The following ZNF44 variants were observed in gnomAD, a reference collection of about 807,000 sequenced individuals.
ZNF44 encodes the protein gonadotropin inducible transcription repressor-2.
ZNF44 carries 9 observed loss-of-function variants against 11.7 expected under a neutral mutation model. The observed-to-expected ratio is 0.77, with a 90% confidence interval of 0.46 to 1.35. The LOEUF is 1.35. Among genes scored for constraint, ZNF44 ranks in the 40% most tolerant of loss-of-function variants. The pLI, the probability that ZNF44 is intolerant of heterozygous loss-of-function variation, is 0.00. For synonymous variants in ZNF44, 224 were observed against 242.7 expected, an observed-to-expected ratio of 0.92 and a Z score of 0.72; for missense variants, 696 against 743.1, an observed-to-expected ratio of 0.94 and a Z score of 0.74.
intron 5 of ZNF44, among the ~76,000 whole-genome samples, chr19:12,253,152 G>T (rs775272828): frequency 2.2e-4 from 33 of 149,218 alleles, no homozygotes; most frequent in Non-Finnish European, 4.0e-4. Flanking sequence ...GCCGCCCGAA[G>T]TGCTGGGATT....
downstream of ZNF44, among the ~76,000 whole-genome samples, chr19:12,243,015 A>G (rs2438558): frequency 0.37 from 55,928 of 152,082 alleles, 12,783 homozygotes; most frequent in African/African-American, 0.66. Context: ...GCACTTAACA[A>G]ATTGCCAAAA....
chr19:12,241,719 G>A (rs191914702), upstream of ZNF44, among the ~76,000 whole-genome samples: 13 of 152,202 alleles, frequency 8.5e-5, no homozygotes, highest in East Asian at 2.3e-3. Flanking sequence ...GGAAAGCAGG[G>A]ACTCAGACAC....
chr19:12,257,889 T>G (rs1328199591), intron 5 of ZNF44, among the ~76,000 whole-genome samples: 1 of 151,598 alleles, frequency 6.6e-6, no homozygotes, highest in Non-Finnish European at 1.5e-5. Flanking sequence ...AAGAATCACT[T>G]GAACCCGGCT....
intron 2 of ZNF44, among the ~76,000 whole-genome samples, chr19:12,231,579 TGGAAATGG>T (rs1228072521): frequency 2.0e-5 from 3 of 151,998 alleles, no homozygotes; most frequent in African/African-American, 7.2e-5. Flanking sequence ...CTTGATGCAG[TGGAAATGG>T]GGAAATGGAG....
intron 3 of ZNF44, among the ~76,000 whole-genome samples, chr19:12,274,341 C>T (rs1343507315): frequency 7.1e-6 from 1 of 140,496 alleles, no homozygotes; most frequent in Admixed American, 7.8e-5. Context: ...GGTGCTGTCT[C>T]GGCTTGCTGC....
chr19:12,291,308 C>G, intron 1 of ZNF44: 1 of 429,218 alleles, frequency 2.3e-6, no homozygotes, highest in South Asian at 1.7e-5. Flanking sequence ...CAAATACCTA[C>G]CACACATTCT....
At chr19:12,260,954 C>A (rs946938769) in intron 5 of ZNF44, among the ~76,000 whole-genome samples, 2 of 152,192 alleles carry the variant, frequency 1.3e-5, no homozygotes, top group Non-Finnish European at 2.9e-5. Context: ...AACTGCTAGT[C>A]ACCTAGAAGG....
intron 5 of ZNF44, among the ~76,000 whole-genome samples, chr19:12,254,223 T>C (rs1199172430): frequency 6.7e-6 from 1 of 148,740 alleles, no homozygotes; most frequent in East Asian, 2.0e-4. Flanking sequence ...TTATATAAAA[T>C]ATGCTTGCAG....
intron 1 of ZNF44, among the ~76,000 whole-genome samples, chr19:12,283,956 C>G (rs1343915578): frequency 6.6e-6 from 1 of 152,148 alleles, no homozygotes; most frequent in African/African-American, 2.4e-5. Flanking sequence ...CACTGCAGTC[C>G]AGCCTGGGTG....
At chr19:12,260,348 C>A in intron 5 of ZNF44, 1 of 1,041,266 alleles carries the variant, frequency 9.6e-7, no homozygotes, top group Non-Finnish European at 1.5e-6. Flanking sequence ...AGCCTGCCAC[C>A]TCCTACGCGC....
intron 1 of ZNF44, among the ~76,000 whole-genome samples, chr19:12,282,508 GC>G (rs1305669270): frequency 7.1e-6 from 1 of 141,468 alleles, no homozygotes; most frequent in Non-Finnish European, 1.5e-5. Context: ...TGCAACCTCC[GC>G]CTCCCAGGTT....
At chr19:12,231,661 C>CT (rs1308642481) in intron 2 of ZNF44, among the ~76,000 whole-genome samples, 1 of 152,142 alleles carries the variant, frequency 6.6e-6, no homozygotes, top group African/African-American at 2.4e-5. Context: ...TGTAGGCCAG[C>CT]TAATTTGTGG....
chr19:12,284,903 G>A, intron 1 of ZNF44: 1 of 722,542 alleles, frequency 1.4e-6, no homozygotes, highest in South Asian at 1.5e-5. Flanking sequence ...CCGCACCCAG[G>A]GACACTGGCA....
chr19:12,260,477 G>T, intron 5 of ZNF44: 4 of 1,330,452 alleles, frequency 3.0e-6, no homozygotes. Context: ...GCGCCATCCT[G>T]TGCAGCCAGA....
chr19:12,241,690 G>A (rs768810703), upstream of ZNF44, among the ~76,000 whole-genome samples: 3 of 152,058 alleles, frequency 2.0e-5, no homozygotes, highest in East Asian at 1.9e-4. Flanking sequence ...GCGAGACTCC[G>A]TTGCAATCAA....
rs202161143 is a variant in ZNF44 at position 12,283,131 on chromosome 19, C to T, written c.4-7049G>A. On this transcript the variant is annotated intron_variant, in intron 1 of 3. Coordinates refer to ENST00000355684, the MANE Select transcript of ZNF44 (RefSeq NM_016264.4). Reference sequence around the variant, plus strand: ...ATAAAACTTTATCAAATTGTATCTGCCTCAATGGCCTTATTTTTGGTAAAC... The same window carrying T: ...ATAAAACTTTATCAAATTGTATCTGTCTCAATGGCCTTATTTTTGGTAAAC... 2.0e-5 allele frequency among the ~76,000 whole-genome samples: 3 copies of T among 152,120 alleles called. No individual in the cohort carries two copies. In the East Asian group the frequency reaches 5.8e-4, roughly 29 times the overall value.
intron 3 of ZNF44, among the ~76,000 whole-genome samples, chr19:12,227,076 C>T (rs944218193): frequency 7.2e-5 from 11 of 151,918 alleles, no homozygotes; most frequent in African/African-American, 2.7e-4. Context: ...AACAAACAAA[C>T]AAAAAAGATC....
At chr19:12,237,450 AC>A in intron 1 of ZNF44, 1 of 168,500 alleles carries the variant, frequency 5.9e-6, no homozygotes, top group Non-Finnish European at 1.3e-5. Flanking sequence ...TTGCACACTC[AC>A]CATTTCCCGG....
At chr19:12,248,846 G>A (rs1401714916) in intron 7 of ZNF44, among the ~76,000 whole-genome samples, 1 of 151,878 alleles carries the variant, frequency 6.6e-6, no homozygotes, top group African/African-American at 2.4e-5. Flanking sequence ...CCTGCAAGAG[G>A]GCTCAAACAT....
Sources: gnomAD v4.1 joint callset for allele counts (sites outside exome capture counted in the v4.1 genomes callset) on GRCh38, gnomAD v4.1.1 for gene constraint, MANE v1.5 for transcripts, NCBI Gene and HGNC (gene_info 2026-07-23, HGNC 2026-07-21) for gene names.